Variants in CCDC124 observed in about 807,000 individuals in gnomAD.
The protein encoded by CCDC124 is coiled-coil domain-containing protein 124.
CCDC124 carries 9 observed loss-of-function variants against 19.8 expected under a neutral mutation model. The ratio of observed to expected loss-of-function variants is 0.45; its 90% CI spans 0.27 to 0.79. The LOEUF is 0.79. CCDC124 is among the 30% of genes least tolerant of loss of function. The pLI is 0.14. For missense variants in CCDC124, 285 were observed against 319.0 expected (o/e 0.89, Z 0.81); for synonymous variants, 126 against 131.3 (o/e 0.96, Z 0.27).
chr19:17,943,385 CG>C lies in CCDC124; in HGVS notation c.464+14del. ...CCATTGCAGTGCTCAGGTAACGGGG[CG>C]GGGCCTGGGGCTTTCCCAGGGGTGG... On this transcript the variant is annotated intron_variant, in intron 4 of 4. Coordinates refer to ENST00000445755, the MANE Select transcript of CCDC124 (RefSeq NM_001136203.2). The C allele has an allele frequency of 7.6e-7, 1 of 1,314,150 alleles. No individual in the cohort carries two copies. The highest frequency in any genetic ancestry group is 4.0e-5 in the East Asian group (1 of 24,792). The allele number at this position is 1,314,150 out of a possible 1,614,324, so 81.4% of individuals were successfully genotyped here. A position where few individuals can be genotyped will look rare whatever the true frequency, so the allele number is the denominator to read the frequency against.
rs201072306 is a variant in CCDC124 at position 17,943,531 on chromosome 19, G to C, written c.488G>C (p.Arg163Pro). The C allele has an allele frequency of 1.9e-5, 31 of 1,612,042 alleles. No individual in the cohort carries two copies. In the Admixed American group the frequency reaches 4.8e-4, roughly 25 times the overall value. The part of the protein sequence containing the change: ...VLSVAEEAAD[R>P]HPERRMRAAF... Reference sequence around the variant, plus strand: ...AGCGTGGCGGAGGAGGCGGCCGACCGGCACCCAGAAAGACGCATGCGGGCA... The same window carrying C: ...AGCGTGGCGGAGGAGGCGGCCGACCCGCACCCAGAAAGACGCATGCGGGCA... The change falls in exon 5 of 5, where the codon CGG becomes CCG. Residue 163 changes from arginine to proline, a missense_variant. Transcript: ENST00000445755.
chr19:17,943,241 T>TCTGGGGGCCCC lies in CCDC124; in HGVS notation c.350-19_350-18insTGGGGGCCCCC. ...CTTTGCTTATCTCTCTCTGTCTCTG[T>TCTGGGGGCCCC]CACCCACCCACCCGCCCAGCCGAGA... On this transcript the variant is annotated intron_variant, in intron 3 of 4. Transcript: ENST00000445755. The TCTGGGGGCCCC allele has an allele frequency of 1.4e-6, 1 of 736,678 alleles. No individual in the cohort carries two copies. Among genetic ancestry groups the TCTGGGGGCCCC allele is most frequent in the Non-Finnish European group, 2.4e-6 (1 of 414,970 alleles). 45.6% of individuals were successfully genotyped at this position (736,678 alleles called of 1,614,324 possible). A position where few individuals can be genotyped will look rare whatever the true frequency, so the allele number is the denominator to read the frequency against.
Position 17,937,498 on chromosome 19 carries a change from G to A in CCDC124, c.159+919G>A, listed in dbSNP as rs139763447. ...GTGGAGCTACTCTGCCCCTGAGGAC[G>A]CTTGGCAACACCTGGAGATGTGTTT... On this transcript the variant is annotated intron_variant, in intron 2 of 4. Coordinates refer to ENST00000445755, the MANE Select transcript of CCDC124 (RefSeq NM_001136203.2). Among the ~76,000 whole-genome samples the A allele has an allele frequency of 3.1e-3, 478 of 152,248 alleles. 5 individuals are homozygous for A. Among genetic ancestry groups the A allele is most frequent in the African/African-American group, 0.011 (445 of 41,542 alleles).
In CCDC124 at chr19:17,943,891, A is replaced by G; in HGVS notation, c.*176A>G. ...CTCCCGCCAGAGGGTCCCTGCCCCGAGTGACACCCCATCCCCTCCCATCCC... is the reference window on the plus strand; with the variant it reads ...CTCCCGCCAGAGGGTCCCTGCCCCGGGTGACACCCCATCCCCTCCCATCCC... On this transcript the variant is annotated 3_prime_UTR_variant, in exon 5 of 5. Transcript: ENST00000445755. 1 of 629,848 alleles carries G rather than the reference A, an allele frequency of 1.6e-6. No homozygotes were observed. The highest frequency in any genetic ancestry group is 2.8e-6 in the Non-Finnish European group (1 of 361,338). The allele number at this position is 629,848 out of a possible 1,614,324, so 39.0% of individuals were successfully genotyped here.
chr19:17,942,861 G>A lies in CCDC124; in HGVS notation c.349+16G>A. On this transcript the variant is annotated intron_variant, in intron 3 of 4. Coordinates refer to ENST00000445755, the MANE Select transcript of CCDC124 (RefSeq NM_001136203.2). The surrounding 1 kb of genome is among the most constrained non-coding windows in gnomAD (Gnocchi z 4.2). The stretch of plus-strand genomic sequence containing the variant: ...CCGGACACAGGTCGGGCGGCATCCC[G>A]CTCTGGAGCTGCACTTTTGCCCACT... The A allele has an allele frequency of 6.1e-6, 9 of 1,483,034 alleles. No homozygotes were observed. The highest frequency in any genetic ancestry group is 1.4e-5 in the African/African-American group (1 of 70,838). 91.9% of individuals were successfully genotyped at this position (1,483,034 alleles called of 1,614,324 possible).
intron 1 of CCDC124, among the ~76,000 whole-genome samples, chr19:17,936,094 G>T (rs2031055141): frequency 2.0e-5 from 3 of 151,856 alleles, no homozygotes; most frequent in African/African-American, 7.3e-5. Flanking sequence ...TAGTGGAGAT[G>T]GGGTTTTGCC....
At chr19:17,937,732 T>A (rs974961045) in intron 2 of CCDC124, among the ~76,000 whole-genome samples, 3 of 151,986 alleles carry the variant, frequency 2.0e-5, no homozygotes, top group African/African-American at 7.2e-5. Flanking sequence ...GGTGTTTATT[T>A]TATTTTTGTT....
chr19:17,937,795 G>A (rs1320640119), intron 2 of CCDC124, among the ~76,000 whole-genome samples: 3 of 152,116 alleles, frequency 2.0e-5, no homozygotes, highest in South Asian at 2.1e-4. Context: ...GTGCAATGGC[G>A]CGATCTCAGT....
chr19:17,943,521 G>C lies in CCDC124; in HGVS notation c.478G>C (p.Ala160Pro), dbSNP rs967908564. Residue 160 changes from alanine (A) to proline (P), a missense_variant, in exon 5 of 5, where the codon GCG (alanine) becomes CCG (proline). Coordinates refer to ENST00000445755, the MANE Select transcript of CCDC124 (RefSeq NM_001136203.2). ...AIAVLSVAEE[A>P]ADRHPERRMR... ...GTCCACCCCCAGCGTGGCGGAGGAG[G>C]CGGCCGACCGGCACCCAGAAAGACG... 8 of 1,611,282 alleles carry C rather than the reference G, an allele frequency of 5.0e-6. No individual in the cohort carries two copies. The highest frequency in any genetic ancestry group is 1.3e-5 in the African/African-American group (1 of 74,904).
rs1396726487 is a variant in CCDC124, at chr19:17,942,015, C to T, written c.160-641C>T. 1.3e-5 allele frequency among the ~76,000 whole-genome samples: 2 copies of T among 152,102 alleles called. No individual in the cohort carries two copies. The highest frequency in any genetic ancestry group is 2.9e-5 in the Non-Finnish European group (2 of 68,000). On this transcript the variant is annotated intron_variant, in intron 2 of 4. Transcript: ENST00000445755. This position sits in a 1 kb window ranked among gnomAD's most constrained non-coding sequence, Gnocchi z 4.2. ...TCGGCCCCCTGGGGTCCGTGCAGGCCAGGGCAAGGGCAAGTCCCGTAGCCC... is the reference window on the plus strand; with the variant it reads ...TCGGCCCCCTGGGGTCCGTGCAGGCTAGGGCAAGGGCAAGTCCCGTAGCCC...
In CCDC124 at chr19:17,942,650, C is replaced by T. The variant is rs2147781832; in HGVS notation, c.160-6C>T. On this transcript the variant is annotated splice_region_variant and splice_polypyrimidine_tract_variant and intron_variant, in intron 2 of 4. Transcript: ENST00000445755. The surrounding 1 kb of genome is among the most constrained non-coding windows in gnomAD (Gnocchi z 4.2). ...TTCTGCCTGACCATGCACGCCGCCC[C>T]CGCAGGAGGAGAAGGAGAAGCGGCG... The T allele has an allele frequency of 6.4e-7, 1 of 1,553,630 alleles. No homozygotes were observed. The highest frequency in any genetic ancestry group is 8.7e-7 in the Non-Finnish European group (1 of 1,148,668).
intron 1 of CCDC124, among the ~76,000 whole-genome samples, chr19:17,933,310 A>G (rs2030986765): frequency 6.6e-6 from 1 of 152,142 alleles, no homozygotes; most frequent in African/African-American, 2.4e-5. Flanking sequence ...CTCGAGAGGG[A>G]CAGAGTTGGG....
rs1812832415 is a variant in CCDC124 at position 17,943,816 on chromosome 19, G to A, written c.*101G>A. 18 of 1,239,994 alleles carry A rather than the reference G, an allele frequency of 1.5e-5. No individual in the cohort carries two copies. Among genetic ancestry groups the A allele is most frequent in the Non-Finnish European group, 1.9e-5 (17 of 879,936 alleles). 76.8% of individuals were successfully genotyped at this position (1,239,994 alleles called of 1,614,324 possible). A position where few individuals can be genotyped will look rare whatever the true frequency, so the allele number is the denominator to read the frequency against. The stretch of plus-strand genomic sequence containing the variant: ...TGCGAGGGTCACAGAGCGTTCCGGG[G>A]GCCAAGGCGCCGGGCCCCGGGGCCA... On this transcript the variant is annotated 3_prime_UTR_variant, in exon 5 of 5. Transcript: ENST00000445755.
chr19:17,936,543 C>A lies in CCDC124; in HGVS notation c.123C>A (p.Asp41Glu). 6.2e-7 allele frequency: 1 copy of A among 1,613,470 alleles called. No individual in the cohort carries two copies. The highest frequency in any genetic ancestry group is 8.5e-7 in the Non-Finnish European group (1 of 1,179,792). ...AGCTGGAGGATGCCTACTGGAAGGA[C>A]GACGACAAACACGTCATGAGGAAGG... ...QKELEDAYWK[D>E]DDKHVMRKEQ... The change falls in exon 2 of 5, where the codon GAC becomes GAA. Residue 41 changes from aspartate to glutamate, a missense_variant. Asp to Glu is a conservative substitution (Grantham distance 45). Coordinates refer to ENST00000445755, the MANE Select transcript of CCDC124 (RefSeq NM_001136203.2).
Position 17,936,443 on chromosome 19 carries a change from A to G in CCDC124, c.23A>G (p.Glu8Gly), listed in dbSNP as rs1429405401. The G allele has an allele frequency of 3.7e-6, 6 of 1,613,196 alleles. No homozygotes were observed. The Admixed American group carries it at 1.0e-4, about 27-fold the overall frequency. MPKKFQGENTKSAAARAR... is the reference protein window; with the variant it reads MPKKFQGGNTKSAAARAR... ...GGGATGCCCAAGAAGTTCCAGGGTG[A>G]GAACACCAAGTCGGCAGCGGCCCGG... Residue 8 changes from glutamate to glycine, a missense_variant, in exon 2 of 5, where the codon GAG (glutamate) becomes GGG (glycine). Glu to Gly is a moderately conservative substitution (Grantham distance 98). Coordinates refer to ENST00000445755, the MANE Select transcript of CCDC124 (RefSeq NM_001136203.2).
intron 1 of CCDC124, among the ~76,000 whole-genome samples, chr19:17,934,552 G>A (rs1254436376): frequency 3.3e-5 from 5 of 151,564 alleles, no homozygotes; most frequent in Non-Finnish European, 5.9e-5. Flanking sequence ...TTGGAAGGCC[G>A]AGGCGGGAGG....
In CCDC124 at chr19:17,943,681, ACCAGCG is replaced by A. The variant is rs1249778087; in HGVS notation, c.639_644del (p.Asn213_Arg215delinsLys). ...CTCCGCTCTCCTGACAACCCCATGA[ACCAGCG>A]GGCCGTGCCCTTCAATGCCCCCAAG... On this transcript the variant is annotated inframe_deletion, in exon 5 of 5. Transcript: ENST00000445755. 6.2e-7 allele frequency: 1 copy of A among 1,612,806 alleles called. No homozygotes were observed. The highest frequency in any genetic ancestry group is 1.7e-5 in the Admixed American group (1 of 59,988).
chr19:17,939,485 C>G (rs2031129786), intron 2 of CCDC124, among the ~76,000 whole-genome samples: 1 of 152,184 alleles, frequency 6.6e-6, no homozygotes, highest in African/African-American at 2.4e-5. Context: ...TTGGCTTAAT[C>G]CTCCCTGTGG....
rs1405982674 is a variant in CCDC124, at chr19:17,942,736, G to C, written c.240G>C (p.Lys80Asn). ...TQRLLEEEDSKLKGGKAPRVA... is the reference protein window; with the variant it reads ...TQRLLEEEDSNLKGGKAPRVA... ...GCCTACTGGAGGAGGAGGACTCCAAGCTCAAGGGCGGCAAGGCGCCGCGGG... is the reference window on the plus strand; with the variant it reads ...GCCTACTGGAGGAGGAGGACTCCAACCTCAAGGGCGGCAAGGCGCCGCGGG... The change falls in exon 3 of 5, where the codon AAG becomes AAC. Residue 80 changes from lysine (K) to asparagine (N), a missense_variant. By Grantham distance (94) the Lys-to-Asn change is moderately conservative. Transcript: ENST00000445755. The surrounding 1 kb of genome is among the most constrained non-coding windows in gnomAD (Gnocchi z 4.2). The C allele has an allele frequency of 6.4e-7, 1 of 1,550,762 alleles. No homozygotes were observed. The highest frequency in any genetic ancestry group is 2.4e-5 in the East Asian group (1 of 41,344).
Sources: gnomAD v4.1 joint callset for allele counts (sites outside exome capture counted in the v4.1 genomes callset) on GRCh38, gnomAD v4.1.1 for gene constraint, Gnocchi (gnomAD v3.1) non-coding constraint, MANE v1.5 for transcripts, NCBI Gene and HGNC (gene_info 2026-07-23, HGNC 2026-07-21) for gene names.